The following NSMAF variants were observed in gnomAD, a reference collection of about 807,000 sequenced individuals.
NSMAF encodes neutral sphingomyelinase activation associated factor.
Under a neutral mutation model 134.9 loss-of-function variants are expected in NSMAF, and 90 were observed. The observed-to-expected ratio is 0.67, with a 90% CI of 0.56 to 0.79. The LOEUF (loss-of-function observed/expected upper bound fraction) is 0.79. Among genes scored for constraint, NSMAF ranks in the 30% least tolerant of loss-of-function variants. The probability of loss-of-function intolerance (pLI) is 0.00; values close to 1 mark genes in which losing one functional copy is unlikely to be tolerated. For missense variants in NSMAF, 1,010 were observed against 1,119.0 expected, an observed-to-expected ratio of 0.90 and a Z score of 1.39; for synonymous variants, 358 against 389.6, an observed-to-expected ratio of 0.92 and a Z score of 0.96.
intron 26 of NSMAF, chr8:58,588,701 G>A (rs971097790): frequency 2.7e-5 from 42 of 1,536,158 alleles, no homozygotes; most frequent in Non-Finnish European, 3.1e-5. Flanking sequence ...TTAGTGCAGC[G>A]AATAGGCTGC....
At chr8:58,636,858 C>CA (rs2129146480) in intron 2 of NSMAF, among the ~76,000 whole-genome samples, 2 of 152,008 alleles carry the variant, frequency 1.3e-5, no homozygotes, top group African/African-American at 4.8e-5. Flanking sequence ...TAGAATTTGA[C>CA]AAAAAAGAAC....
intron 1 of NSMAF, among the ~76,000 whole-genome samples, chr8:58,652,193 TAC>T (rs1464938787): frequency 2.0e-5 from 3 of 152,062 alleles, no homozygotes; most frequent in African/African-American, 2.4e-5. Flanking sequence ...AGCAAAAAAC[TAC>T]AGAGAGGAGA....
intron 9 of NSMAF, among the ~76,000 whole-genome samples, chr8:58,613,489 A>G (rs186639282): frequency 3.4e-4 from 52 of 152,304 alleles, no homozygotes; most frequent in African/African-American, 1.1e-3. Context: ...AAAAGTCAAT[A>G]GAGTAGATAA....
intron 22 of NSMAF, 69 bp downstream of exon 22, chr8:58,595,491 A>T: frequency 9.2e-7 from 1 of 1,083,326 alleles, no homozygotes; most frequent in Non-Finnish European, 1.4e-6. Context: ...AAAACAGTTT[A>T]ATCCCATGCC....
intron 1 of NSMAF, among the ~76,000 whole-genome samples, chr8:58,652,060 T>A (rs573006811): frequency 6.6e-6 from 1 of 151,932 alleles, no homozygotes; most frequent in South Asian, 2.1e-4. Context: ...GGAAAAGAGG[T>A]TGGACTTGGA....
In NSMAF at chr8:58,597,868, G is replaced by A. The variant is rs1806175631; in HGVS notation, c.1620C>T (p.Asp540=). ...FHPLTYEGGV[D]LNSIQDPDEK... ...TATTGACATATAAGTACCTGTTCAAGTCTACACCTCCTTCATAGGTCAGGG... is the reference window on the plus strand; with the variant it reads ...TATTGACATATAAGTACCTGTTCAAATCTACACCTCCTTCATAGGTCAGGG... The change falls in exon 20 of 31, where the codon GAC becomes GAT. Residue 540 remains aspartate (D), a synonymous_variant. Coordinates refer to ENST00000038176, the MANE Select transcript of NSMAF (RefSeq NM_003580.4). The A allele has an allele frequency of 6.2e-7, 1 of 1,601,950 alleles. No homozygotes were observed. Among genetic ancestry groups the A allele is most frequent in the Non-Finnish European group, 8.6e-7 (1 of 1,169,296 alleles).
intron 5 of NSMAF, among the ~76,000 whole-genome samples, chr8:58,634,940 C>T (rs990161766): frequency 6.6e-6 from 1 of 152,144 alleles, no homozygotes; most frequent in African/African-American, 2.4e-5. Context: ...TTTCAAGCCT[C>T]GTAAATCATA....
Position 58,585,891 on chromosome 8 carries a change from A to T in NSMAF, c.2549+7T>A. 1 of 1,611,636 alleles carries T rather than the reference A, an allele frequency of 6.2e-7. No homozygotes were observed. The highest frequency in any genetic ancestry group is 8.5e-7 in the Non-Finnish European group (1 of 1,178,014). ...TGTCTTCGCCCCCAGTAACTCACAA[A>T]CTATACCTCTGGGGCTCATCTGATG... is the stretch of plus-strand genomic sequence containing the variant. On this transcript the variant is annotated splice_region_variant and intron_variant, in intron 29 of 30. Coordinates refer to ENST00000038176, the MANE Select transcript of NSMAF (RefSeq NM_003580.4).
chr8:58,619,513 A>T (rs1316166603), intron 9 of NSMAF, among the ~76,000 whole-genome samples: 1 of 152,206 alleles, frequency 6.6e-6, no homozygotes, highest in Non-Finnish European at 1.5e-5. Flanking sequence ...AGAGACTGCA[A>T]ATAATTCATA....
At chr8:58,644,131 G>A (rs1807393086) in intron 1 of NSMAF, among the ~76,000 whole-genome samples, 2 of 152,150 alleles carry the variant, frequency 1.3e-5, no homozygotes, top group South Asian at 4.1e-4. Flanking sequence ...GAAAAGTGTG[G>A]GACTTGAGAT....
At chr8:58,601,160 T>C (rs1006828345) in intron 16 of NSMAF, 125 bp downstream of exon 16, 16 of 791,148 alleles carry the variant, frequency 2.0e-5, no homozygotes, top group South Asian at 4.9e-5. Context: ...GAGGAATAGA[T>C]AGAACAATTA....
In NSMAF at chr8:58,594,260, A is replaced by G. The variant is rs1235056050; in HGVS notation, c.1923T>C (p.Asn641=). 6.2e-7 allele frequency: 1 copy of G among 1,614,250 alleles called. No homozygotes were observed. Among genetic ancestry groups the G allele is most frequent in the East Asian group, 2.2e-5 (1 of 44,890 alleles). The part of the protein sequence containing the change: ...EAVTGITVSR[N]GSSVFTTSQD... ...GGGATGTTGTGAATACTGAAGATCC[A>G]TTGCGAGAGACCGTGATTCCAGTAA... The change falls in exon 23 of 31, where the codon AAT becomes AAC. Residue 641 remains asparagine (N), a synonymous_variant. Coordinates refer to ENST00000038176, the MANE Select transcript of NSMAF (RefSeq NM_003580.4).
chr8:58,603,602 C>CTA (rs764609731), intron 12 of NSMAF, among the ~76,000 whole-genome samples: 4 of 152,140 alleles, frequency 2.6e-5, no homozygotes, highest in Non-Finnish European at 5.9e-5. Context: ...ATACACTGAG[C>CTA]TATTACACTA....
chr8:58,611,106 C>T (rs960895631), intron 9 of NSMAF, among the ~76,000 whole-genome samples: 1 of 152,050 alleles, frequency 6.6e-6, no homozygotes, highest in Admixed American at 6.6e-5. Flanking sequence ...AAAAAAATTA[C>T]AATACAATAA....
chr8:58,600,086 G>T, intron 16 of NSMAF, 65 bp from the exon 17 acceptor site: 2 of 1,145,460 alleles, frequency 1.7e-6, no homozygotes, highest in Non-Finnish European at 1.3e-6. Context: ...CATTTCCTAT[G>T]CACTTGGGGG....
chr8:58,646,071 C>A (rs1359574683), intron 1 of NSMAF, among the ~76,000 whole-genome samples: 1 of 152,124 alleles, frequency 6.6e-6, no homozygotes, highest in Non-Finnish European at 1.5e-5. Flanking sequence ...TCATCATCAT[C>A]TGAACCAAAA....
chr8:58,628,693 C>T (rs960196402), intron 6 of NSMAF, among the ~76,000 whole-genome samples: 3 of 152,114 alleles, frequency 2.0e-5, no homozygotes, highest in African/African-American at 7.2e-5. Flanking sequence ...GAAGGACTCA[C>T]TTTAGCATTT....
chr8:58,638,109 G>A (rs551071331), intron 2 of NSMAF, among the ~76,000 whole-genome samples: 2 of 152,280 alleles, frequency 1.3e-5, no homozygotes, highest in African/African-American at 4.8e-5. Context: ...GAGTTCAGTA[G>A]CATGATTATA....
intron 1 of NSMAF, among the ~76,000 whole-genome samples, chr8:58,655,628 A>C (rs1353214312): frequency 6.6e-6 from 1 of 152,098 alleles, no homozygotes; most frequent in Non-Finnish European, 1.5e-5. Flanking sequence ...CAAGGAAGAC[A>C]TGTGAATTGC....
Sources: gnomAD v4.1 joint callset for allele counts (sites outside exome capture counted in the v4.1 genomes callset) on GRCh38, gnomAD v4.1.1 for gene constraint, MANE v1.5 for transcripts, NCBI Gene and HGNC (gene_info 2026-07-23, HGNC 2026-07-21) for gene names.